Variants in TBCK observed in about 807,000 individuals in gnomAD.
TBCK encodes the protein TBC domain-containing protein kinase-like protein.
In TBCK, 99 loss-of-function variants were observed where a neutral mutation model predicts 113.4. The ratio of observed to expected loss-of-function variants is 0.87; its 90% CI spans 0.74 to 1.03. The LOEUF (loss-of-function observed/expected upper bound fraction) is 1.03, where lower values mean the gene tolerates loss of function less well. Ranked by LOEUF, TBCK falls within the 50% of genes least tolerant of loss-of-function variation. The probability of loss-of-function intolerance (pLI) is 0.00; values close to 1 mark genes in which losing one functional copy is unlikely to be tolerated. For missense variants in TBCK, 1,045 were observed against 1,061.3 expected, an observed-to-expected ratio of 0.98 and a Z score of 0.21; for synonymous variants, 369 against 370.8, an observed-to-expected ratio of 1.00 and a Z score of 0.05.
chr4:106,199,334 C>T (rs79866515), intron 20 of TBCK, among the ~76,000 whole-genome samples: 19,673 of 152,062 alleles, frequency 0.13, 1,602 homozygotes, highest in South Asian at 0.24. Flanking sequence ...CCATACTCAC[C>T]TAGTTTTGTT....
At chr4:106,174,124 A>T (rs1023183164) in intron 22 of TBCK, among the ~76,000 whole-genome samples, 1 of 152,066 alleles carries the variant, frequency 6.6e-6, no homozygotes, top group African/African-American at 2.4e-5. Flanking sequence ...TCTCACTTTA[A>T]TGGCTATAAA....
At chr4:106,238,841 T>C (rs1339014162) in intron 12 of TBCK, 2 of 152,116 alleles carry the variant, frequency 1.3e-5, no homozygotes, top group Non-Finnish European at 2.9e-5. Flanking sequence ...TGCTGGAGTC[T>C]GTTAAGATCA....
At chr4:106,069,926 C>T (rs143330751) in intron 25 of TBCK, among the ~76,000 whole-genome samples, 5,094 of 152,236 alleles carry the variant, frequency 0.033, 138 homozygotes, top group Middle Eastern at 0.061. Context: ...GGAGTTCACT[C>T]ATGATTTGGT....
chr4:106,086,030 T>C (rs540169383), intron 25 of TBCK, among the ~76,000 whole-genome samples: 1 of 151,612 alleles, frequency 6.6e-6, no homozygotes, highest in Non-Finnish European at 1.5e-5. Context: ...ACATCACAAT[T>C]AAAAGAGCAA....
At chr4:106,280,766 T>C (rs917109327) in intron 3 of TBCK, among the ~76,000 whole-genome samples, 19 of 152,272 alleles carry the variant, frequency 1.2e-4, no homozygotes, top group African/African-American at 2.4e-4. Flanking sequence ...TTCTGGTTTC[T>C]ATATTGTGTT....
intron 23 of TBCK, among the ~76,000 whole-genome samples, chr4:106,118,415 T>TA (rs1351676081): frequency 2.0e-5 from 3 of 152,168 alleles, no homozygotes; most frequent in Non-Finnish European, 2.9e-5. Flanking sequence ...TAGCTTTTAA[T>TA]AAAAAATAGG....
At chr4:106,271,708 C>T (rs1223959005) in intron 3 of TBCK, among the ~76,000 whole-genome samples, 4 of 150,366 alleles carry the variant, frequency 2.7e-5, no homozygotes, top group East Asian at 1.9e-4. Context: ...GCTGAGATCG[C>T]GCCACTGCAC....
At chr4:106,189,360 GAA>G (rs1276883039) in intron 22 of TBCK, among the ~76,000 whole-genome samples, 8 of 109,422 alleles carry the variant, frequency 7.3e-5, no homozygotes, top group Non-Finnish European at 1.3e-4. Flanking sequence ...AAAAAAAAAA[GAA>G]AAATAGACAT....
At chr4:106,214,906 A>G (rs1451901566) in intron 19 of TBCK, among the ~76,000 whole-genome samples, 1 of 152,074 alleles carries the variant, frequency 6.6e-6, no homozygotes, top group South Asian at 2.1e-4. Flanking sequence ...TCCAAGACAC[A>G]TAATAGTCAG....
intron 24 of TBCK, among the ~76,000 whole-genome samples, chr4:106,109,577 G>A (rs756861600): frequency 3.3e-5 from 5 of 152,048 alleles, no homozygotes; most frequent in African/African-American, 7.2e-5. Context: ...AGTCATATGC[G>A]GAAGATTGAA....
chr4:106,046,788 C>T (rs1006927402), intron 25 of TBCK, 108 bp from the exon 26 acceptor site: 3 of 576,592 alleles, frequency 5.2e-6, no homozygotes, highest in East Asian at 2.9e-5. Context: ...GTTATGATTG[C>T]TGCCACCACT....
intron 3 of TBCK, among the ~76,000 whole-genome samples, chr4:106,276,881 T>TAAATA (rs1764085186): frequency 6.6e-6 from 1 of 150,848 alleles, no homozygotes; most frequent in Non-Finnish European, 1.5e-5. Flanking sequence ...CATTATAAAA[T>TAAATA]AAATAAAATA....
intron 25 of TBCK, among the ~76,000 whole-genome samples, chr4:106,064,363 G>T (rs1042770260): frequency 1.3e-5 from 2 of 151,688 alleles, no homozygotes; most frequent in African/African-American, 4.8e-5. Flanking sequence ...TTCTAGACAA[G>T]AATAAAATAT....
intron 19 of TBCK, among the ~76,000 whole-genome samples, chr4:106,214,406 C>G (rs1188238093): frequency 6.6e-6 from 1 of 152,086 alleles, no homozygotes; most frequent in Admixed American, 6.6e-5. Context: ...TTCAGACGAT[C>G]AAATTACTCT....
chr4:106,270,509 C>A (rs1397706599), intron 3 of TBCK, among the ~76,000 whole-genome samples: 1 of 152,168 alleles, frequency 6.6e-6, no homozygotes, highest in Admixed American at 6.5e-5. Context: ...TAAGACAGAA[C>A]TTATCATGGC....
At chr4:106,280,737 T>C (rs546746965) in intron 3 of TBCK, among the ~76,000 whole-genome samples, 8 of 152,248 alleles carry the variant, frequency 5.3e-5, no homozygotes, top group Admixed American at 2.6e-4. Context: ...ATGAATTCAT[T>C]GTAAATGTAA....
At chr4:106,054,915 A>AT (rs1290286515) in intron 25 of TBCK, among the ~76,000 whole-genome samples, 2 of 151,408 alleles carry the variant, frequency 1.3e-5, no homozygotes, top group East Asian at 3.9e-4. Context: ...AGGCAAGATG[A>AT]TTTTTTAAAA....
In TBCK at chr4:106,073,423, G is replaced by A. The variant is rs553459274; in HGVS notation, c.2571+22059C>T. 8.5e-5 allele frequency among the ~76,000 whole-genome samples: 13 copies of A among 152,280 alleles called. No homozygotes were observed. In the East Asian group the frequency reaches 1.7e-3, roughly 20 times the overall value. ...CCCTGTTTGCCTGGGTATCACCAGC[G>A]GAGGCTGAAGAACAGCAAATACTGC... On this transcript the variant is annotated intron_variant, in intron 25 of 25. Transcript: ENST00000394708.
chr4:106,131,761 A>C (rs967135804), intron 23 of TBCK, among the ~76,000 whole-genome samples: 7 of 152,192 alleles, frequency 4.6e-5, no homozygotes, highest in African/African-American at 1.7e-4. Flanking sequence ...AGATGGAAAA[A>C]GGTGGGAAAG....
Sources: gnomAD v4.1 joint callset for allele counts (sites outside exome capture counted in the v4.1 genomes callset) on GRCh38, gnomAD v4.1.1 for gene constraint, MANE v1.5 for transcripts, NCBI Gene and HGNC (gene_info 2026-07-23, HGNC 2026-07-21) for gene names.